The following JPH2 variants were observed in gnomAD, a reference collection of about 807,000 sequenced individuals.
The protein encoded by JPH2 is junctophilin 2.
Under a neutral mutation model 55.9 loss-of-function variants are expected in JPH2, and 38 were observed. The ratio of observed to expected loss-of-function variants is 0.68; its 90% CI spans 0.52 to 0.89. JPH2 has a LOEUF of 0.89. JPH2 is among the 40% of genes least tolerant of loss of function. The pLI is 0.00. For synonymous variants in JPH2, 480 were observed against 472.4 expected, an observed-to-expected ratio of 1.02 and a Z score of -0.21; for missense variants, 964 against 1,037.6, an observed-to-expected ratio of 0.93 and a Z score of 0.97.
chr20:44,134,969 T>C (rs1433640393), intron 2 of JPH2, among the ~76,000 whole-genome samples: 2 of 137,506 alleles, frequency 1.5e-5, no homozygotes, highest in Non-Finnish European at 3.1e-5. Context: ...GCTAACCATT[T>C]AGCTGCTGGG....
In JPH2 at chr20:44,108,881, T is replaced by C. The variant is rs1298264783; in HGVS notation, c.*4637A>G. 6.6e-6 allele frequency among the ~76,000 whole-genome samples: 1 copy of C among 152,120 alleles called. No individual in the cohort carries two copies. Among genetic ancestry groups the C allele is most frequent in the Non-Finnish European group, 1.5e-5 (1 of 68,022 alleles). On this transcript the variant is annotated 3_prime_UTR_variant, in exon 6 of 6. Coordinates refer to ENST00000372980, the MANE Select transcript of JPH2 (RefSeq NM_020433.5). ...CTCTCTCCAGACCTGTTTCCCCATA[T>C]GAAAAACAGGGGGCCAGATGAGCTG...
At chr20:44,177,664 A>G in intron 1 of JPH2, 2 of 1,234,800 alleles carry the variant, frequency 1.6e-6, no homozygotes, top group Non-Finnish European at 2.1e-6. Flanking sequence ...CTGATTCTAC[A>G]TTCGAAATGG....
At chr20:44,178,470 T>C (rs1333540161) in intron 1 of JPH2, among the ~76,000 whole-genome samples, 1 of 152,238 alleles carries the variant, frequency 6.6e-6, no homozygotes, top group Admixed American at 6.5e-5. Context: ...ATATACCATG[T>C]TCACGGGTTG....
intron 1 of JPH2, among the ~76,000 whole-genome samples, chr20:44,179,859 T>A (rs2072765810): frequency 6.6e-6 from 1 of 152,212 alleles, no homozygotes; most frequent in African/African-American, 2.4e-5. Context: ...GATCTCCATG[T>A]CAGTTTCCTC....
intron 1 of JPH2, among the ~76,000 whole-genome samples, chr20:44,175,941 C>G (rs6031436): frequency 0.19 from 28,267 of 152,142 alleles, 3,139 homozygotes; most frequent in African/African-American, 0.3. Context: ...TGCCCATGGA[C>G]ACTTCCAACA....
intron 2 of JPH2, among the ~76,000 whole-genome samples, chr20:44,152,211 G>A (rs1408153160): frequency 6.6e-6 from 1 of 152,204 alleles, no homozygotes; most frequent in Non-Finnish European, 1.5e-5. Flanking sequence ...AGGTCAGATC[G>A]TGGTTAAGAG....
chr20:44,162,201 T>C (rs1289370080), intron 1 of JPH2, among the ~76,000 whole-genome samples: 2 of 152,072 alleles, frequency 1.3e-5, no homozygotes, highest in Non-Finnish European at 2.9e-5. Context: ...TTCCTGCTAA[T>C]AAATGTCCAG....
Position 44,109,722 on chromosome 20 carries a change from G to T in JPH2, c.*3796C>A, listed in dbSNP as rs545006567. Among the ~76,000 whole-genome samples the T allele has an allele frequency of 6.8e-4, 104 of 152,272 alleles. 1 individual carries two copies. The highest frequency in any genetic ancestry group is 6.8e-3 in the Middle Eastern group (2 of 294). On this transcript the variant is annotated 3_prime_UTR_variant, in exon 6 of 6. Transcript: ENST00000372980. ...TATTTGTATTCTGAGTCACTTATTT[G>T]GGGGAGAGCATCTTCATATCAGTTT...
At chr20:44,129,404 A>C (rs1371670923) in intron 2 of JPH2, among the ~76,000 whole-genome samples, 1 of 151,918 alleles carries the variant, frequency 6.6e-6, no homozygotes, top group Non-Finnish European at 1.5e-5. Flanking sequence ...AAAATACAAA[A>C]ATTTGCTGGG....
chr20:44,134,854 A>G (rs1410194448), intron 2 of JPH2, among the ~76,000 whole-genome samples: 1 of 66,260 alleles, frequency 1.5e-5, no homozygotes, highest in Admixed American at 2.6e-4. Context: ...TTTATTATAA[A>G]TATATATATA....
intron 2 of JPH2, among the ~76,000 whole-genome samples, chr20:44,135,030 C>T (rs1357291034): frequency 6.8e-6 from 1 of 147,180 alleles, no homozygotes; most frequent in Non-Finnish European, 1.5e-5. Context: ...GGGGGGATGC[C>T]TGGGGGGCTC....
rs2072851441 is a variant in JPH2, at chr20:44,186,864, G to A, written c.-159C>T. ...CAGGATGCCAGCAGAGGCTGAAAGA[G>A]CCCCGGCGCCAAGTCAGCACCGGGT... On this transcript the variant is annotated 5_prime_UTR_variant, in exon 1 of 6. Transcript: ENST00000372980. The A allele has an allele frequency of 1.4e-6, 1 of 721,008 alleles. No homozygotes were observed. Among genetic ancestry groups the A allele is most frequent in the South Asian group, 1.8e-5 (1 of 54,414 alleles). The allele number at this position is 721,008 out of a possible 1,614,324, so 44.7% of individuals were successfully genotyped here.
At chr20:44,130,391 G>A (rs1014642573) in intron 2 of JPH2, among the ~76,000 whole-genome samples, 14 of 152,240 alleles carry the variant, frequency 9.2e-5, no homozygotes, top group African/African-American at 2.7e-4. Context: ...GTCTGAGAGG[G>A]CCTGGGGCTG....
In JPH2 at chr20:44,186,413, T is replaced by C. The variant is rs571986135; in HGVS notation, c.293A>G (p.Gln98Arg). 16 of 1,614,020 alleles carry C rather than the reference T, an allele frequency of 9.9e-6. No homozygotes were observed. Among genetic ancestry groups the C allele is most frequent in the African/African-American group, 5.3e-5 (4 of 75,026 alleles). ...ATACTTGGCACCGCTGCTTGAGCTCTGCCGGATTCCGTAGCGTCCCTTGAA... is the reference window on the plus strand; with the variant it reads ...ATACTTGGCACCGCTGCTTGAGCTCCGCCGGATTCCGTAGCGTCCCTTGAA... ...HGFKGRYGIR[Q>R]SSSSGAKYEG... The change falls in exon 1 of 6, where the codon CAG becomes CGG. Residue 98 changes from glutamine to arginine, a missense_variant. By Grantham distance (43) the Gln-to-Arg change is conservative. Transcript: ENST00000372980.
chr20:44,128,024 T>A (rs930155751), intron 2 of JPH2, among the ~76,000 whole-genome samples: 1 of 152,226 alleles, frequency 6.6e-6, no homozygotes, highest in Non-Finnish European at 1.5e-5. Flanking sequence ...GCAAGTCACT[T>A]ATCATATATA....
chr20:44,176,765 G>T, intron 1 of JPH2: 2 of 684,926 alleles, frequency 2.9e-6, no homozygotes, highest in Non-Finnish European at 3.6e-6. Flanking sequence ...TTGCACTCCA[G>T]CCTGGGTGAC....
intron 2 of JPH2, among the ~76,000 whole-genome samples, chr20:44,123,723 G>C (rs1414004104): frequency 6.6e-6 from 1 of 152,128 alleles, no homozygotes; most frequent in Non-Finnish European, 1.5e-5. Flanking sequence ...ACAAATTCTC[G>C]GGCTCTGCCC....
At chr20:44,163,016 T>C (rs1273691333) in intron 1 of JPH2, among the ~76,000 whole-genome samples, 1 of 151,904 alleles carries the variant, frequency 6.6e-6, no homozygotes, top group Non-Finnish European at 1.5e-5. Context: ...CCCACCACCC[T>C]GCTCACTTAT....
In JPH2 at chr20:44,159,141, G is replaced by T. The variant is rs896990984; in HGVS notation, c.1169+477C>A. ...TAGATGTTAGGCTGTTGTTCAGGTGGATGTTCAGGTGTGATGTGGGACTGG... is the reference window on the plus strand; with the variant it reads ...TAGATGTTAGGCTGTTGTTCAGGTGTATGTTCAGGTGTGATGTGGGACTGG... On this transcript the variant is annotated intron_variant, in intron 2 of 5. Coordinates refer to ENST00000372980, the MANE Select transcript of JPH2 (RefSeq NM_020433.5). This position sits in a 1 kb window ranked among gnomAD's most constrained non-coding sequence, Gnocchi z 5.7. Among the ~76,000 whole-genome samples the T allele has an allele frequency of 6.6e-6, 1 of 151,914 alleles. No homozygotes were observed. Among genetic ancestry groups the T allele is most frequent in the Non-Finnish European group, 1.5e-5 (1 of 68,032 alleles).
Sources: allele counts gnomAD v4.1 joint callset (sites outside exome capture counted in the v4.1 genomes callset), GRCh38; gene constraint gnomAD v4.1.1; non-coding constraint Gnocchi (gnomAD v3.1); transcripts MANE v1.5; gene names NCBI Gene and HGNC (gene_info 2026-07-23, HGNC 2026-07-21).